MKLN1: variants seen among roughly 807,000 people sequenced by gnomAD.
MKLN1 encodes the protein muskelin 1, also known as muskelin.
MKLN1 carries 18 observed loss-of-function variants against 99.0 expected under a neutral mutation model. The observed-to-expected ratio is 0.18, with a 90% confidence interval of 0.13 to 0.27. MKLN1 has a LOEUF of 0.27. Ranked by LOEUF, MKLN1 falls within the 10% of genes least tolerant of loss-of-function variation. The pLI is 1.00. For synonymous variants in MKLN1, 288 were observed against 293.2 expected (o/e 0.98, Z 0.18); for missense variants, 621 against 875.9 (o/e 0.71, Z 3.67).
intron 2 of MKLN1, among the ~76,000 whole-genome samples, chr7:131,184,258 G>A (rs1338256145): frequency 6.6e-6 from 1 of 152,146 alleles, no homozygotes; most frequent in Non-Finnish European, 1.5e-5. Context: ...CCTAGTAGCT[G>A]TGACTATAGG....
chr7:131,478,778 A>C lies in MKLN1; in HGVS notation c.2086+101A>C, dbSNP rs1410912240. On this transcript the variant is annotated intron_variant, in intron 17 of 17. Transcript: ENST00000352689. ...AAACATCAGGTGAGATGTTTCAGTC[A>C]AATAGATGAGCAAATGAAGTTTCAA... The C allele has an allele frequency of 3.0e-6, 4 of 1,326,012 alleles. No homozygotes were observed. The South Asian group carries it at 4.9e-5, about 16-fold the overall frequency. 82.1% of individuals were successfully genotyped at this position (1,326,012 alleles called of 1,614,324 possible).
chr7:131,145,089 T>A (rs2116270385), intron 2 of MKLN1, among the ~76,000 whole-genome samples: 1 of 152,264 alleles, frequency 6.6e-6, no homozygotes, highest in South Asian at 2.1e-4. Context: ...AACACTTATA[T>A]CGATGACTAA....
intron 1 of MKLN1, among the ~76,000 whole-genome samples, chr7:131,371,884 T>C (rs769065644): frequency 1.8e-4 from 27 of 152,022 alleles, no homozygotes; most frequent in Non-Finnish European, 3.1e-4. Context: ...TCATTACAGC[T>C]GACAAATTAT....
At chr7:131,485,784 T>C (rs1797254288) in intron 17 of MKLN1, among the ~76,000 whole-genome samples, 1 of 152,010 alleles carries the variant, frequency 6.6e-6, no homozygotes, top group Non-Finnish European at 1.5e-5. Context: ...TCTTCAAAAA[T>C]ATTCATTAAA....
At chr7:131,125,578 A>G (rs1247288917) in intron 1 of MKLN1, among the ~76,000 whole-genome samples, 5 of 152,200 alleles carry the variant, frequency 3.3e-5, no homozygotes, top group Admixed American at 3.3e-4. Context: ...CGAGCATCCA[A>G]AAAAAGATCA....
chr7:131,338,692 T>C (rs1475649873), intron 1 of MKLN1, among the ~76,000 whole-genome samples: 1 of 152,244 alleles, frequency 6.6e-6, no homozygotes, highest in Non-Finnish European at 1.5e-5. Context: ...GTTATATTAA[T>C]GTAAAAACGT....
chr7:131,260,756 G>C, intron 3 of MKLN1, among the ~76,000 whole-genome samples: 1 of 152,124 alleles, frequency 6.6e-6, no homozygotes, highest in African/African-American at 2.4e-5. Context: ...GAATAGAGAG[G>C]GCTACAATAA....
intron 1 of MKLN1, among the ~76,000 whole-genome samples, chr7:131,363,228 T>C (rs1486771307): frequency 2.0e-5 from 3 of 152,054 alleles, no homozygotes; most frequent in African/African-American, 7.2e-5. Flanking sequence ...AATTGCACTT[T>C]TGAGATGTAG....
chr7:131,257,642 A>G (rs1797675445), intron 3 of MKLN1, among the ~76,000 whole-genome samples: 1 of 152,166 alleles, frequency 6.6e-6, no homozygotes, highest in African/African-American at 2.4e-5. Flanking sequence ...GATGAGAACC[A>G]AATGGCTAAA....
intron 3 of MKLN1, among the ~76,000 whole-genome samples, chr7:131,232,914 G>A (rs1181875088): frequency 6.6e-6 from 1 of 151,980 alleles, no homozygotes; most frequent in Non-Finnish European, 1.5e-5. Flanking sequence ...ATGAGGAAAG[G>A]CAACCACTGA....
intron 17 of MKLN1, chr7:131,478,957 C>G: frequency 2.2e-6 from 1 of 452,972 alleles, no homozygotes; most frequent in Non-Finnish European, 3.9e-6. Context: ...TTGTATAGCA[C>G]TGCCTTGGAA....
At chr7:131,232,013 CA>C (rs1259938163) in intron 3 of MKLN1, among the ~76,000 whole-genome samples, 1 of 152,050 alleles carries the variant, frequency 6.6e-6, no homozygotes, top group Non-Finnish European at 1.5e-5. Flanking sequence ...ATGAAGGACA[CA>C]GAAAAACACA....
chr7:131,290,018 A>G lies in MKLN1; in HGVS notation c.-178-85406A>G, dbSNP rs187726967. Among the ~76,000 whole-genome samples the G allele has an allele frequency of 5.9e-5, 9 of 152,302 alleles. No individual in the cohort carries two copies. The East Asian group carries it at 1.2e-3, about 20-fold the overall frequency. ...GATGACAATGCTATTTAAAATTGCA[A>G]TTCTTGGCCAGGTGCGGTGGGTTGC... is the stretch of plus-strand genomic sequence containing the variant. On this transcript the variant is annotated intron_variant, in intron 3 of 7. Transcript: ENST00000416992.
Position 131,414,702 on chromosome 7 carries a change from T to C in MKLN1, c.839T>C (p.Val280Ala). ...GGAGGCCATCAGATGGTTATTGATG[T>C]TCAAACAGGTGAGTAGCAGTTGCAG... ...MRGGHQMVIDVQTETVYLFGG... is the reference protein window; with the variant it reads ...MRGGHQMVIDAQTETVYLFGG... The change falls in exon 8 of 18, where the codon GTT becomes GCT. Residue 280 changes from valine to alanine, a missense_variant. Coordinates refer to ENST00000352689, the MANE Select transcript of MKLN1 (RefSeq NM_013255.5). The C allele has an allele frequency of 6.2e-7, 1 of 1,600,576 alleles. No individual in the cohort carries two copies. Among genetic ancestry groups the C allele is most frequent in the South Asian group, 1.1e-5 (1 of 90,332 alleles).
chr7:131,478,050 A>G (rs1217207715), intron 16 of MKLN1, among the ~76,000 whole-genome samples: 1 of 152,246 alleles, frequency 6.6e-6, no homozygotes, highest in Non-Finnish European at 1.5e-5. Context: ...AAATCTAAGC[A>G]ACATTTACAA....
intron 2 of MKLN1, among the ~76,000 whole-genome samples, chr7:131,173,578 G>A (rs1263041277): frequency 2.6e-5 from 4 of 152,150 alleles, no homozygotes; most frequent in African/African-American, 4.8e-5. Flanking sequence ...AATTAGCCTG[G>A]CGTGGTCATG....
At chr7:131,327,710 C>G (rs997335838), upstream of MKLN1, 2 of 1,036,944 alleles carry the variant, frequency 1.9e-6, no homozygotes, top group Non-Finnish European at 2.7e-6. Flanking sequence ...GTCGGTCAGC[C>G]GTCAAGGAGC....
chr7:131,131,179 G>A (rs1030676268), intron 1 of MKLN1, among the ~76,000 whole-genome samples: 2 of 123,446 alleles, frequency 1.6e-5, no homozygotes, highest in Non-Finnish European at 3.4e-5. Flanking sequence ...AATATAGTGA[G>A]ACCTCACCTC....
At chr7:131,179,982 C>G (rs576095088) in intron 2 of MKLN1, among the ~76,000 whole-genome samples, 29 of 152,184 alleles carry the variant, frequency 1.9e-4, no homozygotes, top group Admixed American at 5.9e-4. Context: ...AGTTTGAACT[C>G]CTGGTCTCAA....
Sources: gnomAD v4.1 joint callset for allele counts (sites outside exome capture counted in the v4.1 genomes callset) on GRCh38, gnomAD v4.1.1 for gene constraint, MANE v1.5 for transcripts, NCBI Gene and HGNC (gene_info 2026-07-23, HGNC 2026-07-21) for gene names.